STARD9: variants seen among roughly 807,000 people sequenced by gnomAD.
The protein encoded by STARD9 is StAR related lipid transfer domain containing 9.
STARD9 carries 346 observed loss-of-function variants against 399.8 expected under a neutral mutation model. That is an observed-to-expected ratio of 0.87 (90% confidence interval 0.79 to 0.95). STARD9 has a LOEUF of 0.95. Among genes scored for constraint, STARD9 ranks in the 40% least tolerant of loss-of-function variants. The pLI, the probability that STARD9 is intolerant of heterozygous loss-of-function variation, is 0.00. For missense variants in STARD9, 5,832 were observed against 5,667.5 expected, an observed-to-expected ratio of 1.03 and a Z score of -0.93; for synonymous variants, 2,203 against 2,143.5, an observed-to-expected ratio of 1.03 and a Z score of -0.77.
chr15:42,596,137 T>A (rs2058500071), intron 3 of STARD9, among the ~76,000 whole-genome samples: 1 of 152,168 alleles, frequency 6.6e-6, no homozygotes, highest in Non-Finnish European at 1.5e-5. Flanking sequence ...GGAAATTCCT[T>A]GTGGTAGCTA....
intron 10 of STARD9, among the ~76,000 whole-genome samples, chr15:42,661,745 C>T (rs1395978825): frequency 1.3e-5 from 2 of 151,906 alleles, no homozygotes; most frequent in Non-Finnish European, 2.9e-5. Context: ...GCGTGAGCCA[C>T]TGCACCTGGC....
In STARD9 at chr15:42,652,577, G is replaced by T. The variant is rs573517564; in HGVS notation, c.687G>T (p.Thr229=). The part of the protein sequence containing the change: ...EASSRSHAIF[T]IHYTQAILEN... ...GCAGCAGATCCCACGCCATTTTCAC[G>T]ATCCACTACACGCAGGTTGGTAACT... Residue 229 remains threonine (T), a synonymous_variant, in exon 9 of 33, where the codon ACG becomes ACT. Transcript: ENST00000290607. 3 of 1,536,850 alleles carry T rather than the reference G, an allele frequency of 2.0e-6. No individual in the cohort carries two copies. Among genetic ancestry groups the T allele is most frequent in the Non-Finnish European group, 1.7e-6 (2 of 1,146,702 alleles).
At chr15:42,636,873 C>T (rs1436889902) in intron 4 of STARD9, among the ~76,000 whole-genome samples, 1 of 152,028 alleles carries the variant, frequency 6.6e-6, no homozygotes, top group Admixed American at 6.6e-5. Flanking sequence ...CAAGACCAGC[C>T]TGGCCAACGT....
At chr15:42,614,053 C>T (rs560188375) in intron 3 of STARD9, among the ~76,000 whole-genome samples, 1 of 152,072 alleles carries the variant, frequency 6.6e-6, no homozygotes, top group African/African-American at 2.4e-5. Flanking sequence ...TGTCTCATGC[C>T]TGTAATTCCA....
chr15:42,700,070 T>C (rs541675344), intron 26 of STARD9, among the ~76,000 whole-genome samples: 11 of 152,356 alleles, frequency 7.2e-5, no homozygotes, highest in Middle Eastern at 3.4e-3. Flanking sequence ...TTCCACTTAG[T>C]ATAATGTCCC....
At chr15:42,709,558 G>A (rs928238659) in intron 26 of STARD9, among the ~76,000 whole-genome samples, 5 of 152,156 alleles carry the variant, frequency 3.3e-5, no homozygotes, top group East Asian at 3.9e-4. Context: ...GGTGGCACAC[G>A]CCTGTAGACC....
chr15:42,608,590 A>C (rs2141796637), intron 3 of STARD9, among the ~76,000 whole-genome samples: 1 of 152,334 alleles, frequency 6.6e-6, no homozygotes. Flanking sequence ...TTAAGAACAA[A>C]AACTCCATCC....
chr15:42,625,839 C>T (rs1595662894), intron 3 of STARD9, among the ~76,000 whole-genome samples: 4 of 151,778 alleles, frequency 2.6e-5, no homozygotes, highest in African/African-American at 9.7e-5. Flanking sequence ...GAATGATTTT[C>T]GTATTTATAA....
intron 26 of STARD9, among the ~76,000 whole-genome samples, chr15:42,703,913 T>C (rs1455566295): frequency 6.6e-6 from 1 of 152,016 alleles, no homozygotes. Flanking sequence ...TATTTACTTA[T>C]TTATTTATTT....
intron 2 of STARD9, among the ~76,000 whole-genome samples, chr15:42,584,010 T>G (rs1328802401): frequency 6.6e-6 from 1 of 152,002 alleles, no homozygotes; most frequent in Middle Eastern, 3.2e-3. Flanking sequence ...CCCCTCAGTC[T>G]CCCTTAGGGC....
rs1467393343 is a variant in STARD9 at position 42,663,420 on chromosome 15, C to G, written c.1008C>G (p.Tyr336Ter). The change falls in exon 12 of 33, where the codon TAC becomes TAG. Residue 336 changes from tyrosine (Y) to a stop codon, truncating the protein, a stop_gained. Coordinates refer to ENST00000290607, the MANE Select transcript of STARD9 (RefSeq NM_020759.3). LOFTEE classifies it high-confidence loss of function. ...APSRRQSYIP[Y>*]RDSVLTWLLK... ...CCCGAAGGCAGTCTTATATCCCATA[C>G]CGAGACTCTGTGTTGACCTGGCTGC... 6.5e-7 allele frequency: 1 copy of G among 1,537,170 alleles called. No individual in the cohort carries two copies. Among genetic ancestry groups the G allele is most frequent in the Non-Finnish European group, 8.7e-7 (1 of 1,146,928 alleles).
intron 10 of STARD9, among the ~76,000 whole-genome samples, chr15:42,662,113 G>A (rs936594338): frequency 6.6e-6 from 1 of 152,042 alleles, no homozygotes; most frequent in African/African-American, 2.4e-5. Flanking sequence ...TAACAACATA[G>A]CTCAACCCTA....
rs1227540718 is a variant in STARD9, at chr15:42,690,987, A to G, written c.9409A>G (p.Thr3137Ala). 2.0e-6 allele frequency: 3 copies of G among 1,537,140 alleles called. No homozygotes were observed. The highest frequency in any genetic ancestry group is 1.4e-5 in the African/African-American group (1 of 73,034). Reference sequence around the variant, plus strand: ...TCAAACCAATCCAGAACCACCTGCAACAACTCAGGGACCACACACCCTGGA... The same window carrying G: ...TCAAACCAATCCAGAACCACCTGCAGCAACTCAGGGACCACACACCCTGGA... ...VCQTNPEPPA[T>A]TQGPHTLDLS... Residue 3137 changes from threonine (T) to alanine (A), a missense_variant, in exon 23 of 33, where the codon ACA (threonine) becomes GCA (alanine). Transcript: ENST00000290607.
At chr15:42,632,859 A>C (rs1462120296) in intron 3 of STARD9, among the ~76,000 whole-genome samples, 1 of 152,068 alleles carries the variant, frequency 6.6e-6, no homozygotes, top group Non-Finnish European at 1.5e-5. Context: ...AAATAAATAA[A>C]GAGCCAGACA....
chr15:42,641,185 A>G (rs1269496517), intron 7 of STARD9, among the ~76,000 whole-genome samples: 1 of 152,182 alleles, frequency 6.6e-6, no homozygotes, highest in Non-Finnish European at 1.5e-5. Context: ...CTCAGGGTTC[A>G]TGGTGCAAAG....
intron 7 of STARD9, among the ~76,000 whole-genome samples, chr15:42,639,919 A>T (rs968374310): frequency 1.3e-5 from 2 of 151,756 alleles, no homozygotes; most frequent in African/African-American, 4.8e-5. Flanking sequence ...ATGCTAGTTT[A>T]TTTTTTATTT....
intron 7 of STARD9, among the ~76,000 whole-genome samples, chr15:42,642,199 A>G (rs1410550057): frequency 6.6e-6 from 1 of 152,222 alleles, no homozygotes; most frequent in African/African-American, 2.4e-5. Context: ...AGATGCCTAT[A>G]CTATTCCAGG....
chr15:42,632,057 T>G lies in STARD9; in HGVS notation c.235-2799T>G, dbSNP rs1325726306. ...GTGGGGTGTTGAAGTCTCCAGCTAT[T>G]ACGGTATTGAGGTCTCTCTCTCTTT... On this transcript the variant is annotated intron_variant, in intron 3 of 32. Transcript: ENST00000290607. Among the ~76,000 whole-genome samples the G allele has an allele frequency of 2.6e-5, 4 of 152,204 alleles. No individual in the cohort carries two copies. The East Asian group carries it at 7.7e-4, about 29-fold the overall frequency.
At chr15:42,631,828 T>A (rs114191253) in intron 3 of STARD9, among the ~76,000 whole-genome samples, 3,178 of 152,162 alleles carry the variant, frequency 0.021, 87 homozygotes, top group Admixed American at 0.068. Flanking sequence ...ATTTTTTTTT[T>A]AAATTATTTA....
Sources: allele counts gnomAD v4.1 joint callset (sites outside exome capture counted in the v4.1 genomes callset), GRCh38; gene constraint gnomAD v4.1.1; transcripts MANE v1.5; gene names NCBI Gene and HGNC (gene_info 2026-07-23, HGNC 2026-07-21).